The following CALN1 variants were observed in gnomAD, a reference collection of about 807,000 sequenced individuals.
CALN1 encodes the protein calcium-binding protein 8.
A neutral mutation model predicts 30.6 loss-of-function variants in CALN1; 17 were observed. The ratio of observed to expected loss-of-function variants is 0.56; its 90% CI spans 0.38 to 0.83. The LOEUF is 0.83. Ranked by LOEUF, CALN1 falls within the 40% of genes least tolerant of loss-of-function variation. CALN1 has a pLI of 0.00. For synonymous variants in CALN1, 156 were observed against 131.4 expected (o/e 1.19, Z -1.28); for missense variants, 291 against 354.9 (o/e 0.82, Z 1.45).
chr7:72,408,955 G>A (rs1389112102), intron 1 of CALN1, among the ~76,000 whole-genome samples: 2 of 151,964 alleles, frequency 1.3e-5, no homozygotes, highest in Non-Finnish European at 2.9e-5. Flanking sequence ...TGGGATTGCA[G>A]GTGTGAGCCA....
intron 3 of CALN1, among the ~76,000 whole-genome samples, chr7:72,175,186 G>T (rs990688053): frequency 3.3e-5 from 5 of 151,674 alleles, no homozygotes; most frequent in African/African-American, 9.7e-5. Flanking sequence ...CCATTCTCCT[G>T]CCTCAGCCTC....
At chr7:72,349,058 T>A (rs1050495717) in intron 2 of CALN1, among the ~76,000 whole-genome samples, 1 of 152,098 alleles carries the variant, frequency 6.6e-6, no homozygotes, top group Admixed American at 6.5e-5. Context: ...TGCTGAAAAA[T>A]GTATACTTAA....
intron 2 of CALN1, among the ~76,000 whole-genome samples, chr7:72,357,444 C>A (rs1803300213): frequency 1.3e-5 from 2 of 151,906 alleles, no homozygotes; most frequent in African/African-American, 4.9e-5. Context: ...GGAAATAAAG[C>A]AAATTTCTTA....
chr7:71,948,730 CA>C (rs538358463), intron 5 of CALN1, among the ~76,000 whole-genome samples: 55 of 73,874 alleles, frequency 7.4e-4, no homozygotes, highest in Admixed American at 2.5e-3. Context: ...GACTCTGTCT[CA>C]AAAAAAAAAA....
intron 2 of CALN1, among the ~76,000 whole-genome samples, chr7:72,291,168 C>G (rs1585380138): frequency 6.6e-6 from 1 of 152,280 alleles, no homozygotes; most frequent in East Asian, 1.9e-4. Flanking sequence ...AGTGATCTGC[C>G]CACCTTAGCA....
intron 6 of CALN1, among the ~76,000 whole-genome samples, chr7:71,791,982 G>C (rs1375459681): frequency 6.6e-6 from 1 of 151,962 alleles, no homozygotes; most frequent in Non-Finnish European, 1.5e-5. Flanking sequence ...CTGCACTCCA[G>C]TCTGGGAGGC....
At chr7:71,874,759 G>T (rs1251280681) in intron 5 of CALN1, among the ~76,000 whole-genome samples, 2 of 152,112 alleles carry the variant, frequency 1.3e-5, no homozygotes, top group Non-Finnish European at 2.9e-5. Context: ...GCAAATAAGG[G>T]TACAAAGGGG....
chr7:71,825,544 T>C (rs991578988), intron 5 of CALN1, among the ~76,000 whole-genome samples: 2 of 152,076 alleles, frequency 1.3e-5, no homozygotes, highest in African/African-American at 4.8e-5. Flanking sequence ...TCCACATGGC[T>C]GGGGAGGCCT....
At chr7:71,947,934 C>A (rs1346264271) in intron 5 of CALN1, among the ~76,000 whole-genome samples, 48 of 137,770 alleles carry the variant, frequency 3.5e-4, no homozygotes, top group Admixed American at 3.7e-4. Context: ...GACTCCGTCT[C>A]AAAAAAAAAA....
At chr7:72,396,083 A>G (rs967932407) in intron 2 of CALN1, among the ~76,000 whole-genome samples, 3 of 151,750 alleles carry the variant, frequency 2.0e-5, no homozygotes, top group Admixed American at 1.3e-4. Context: ...AGCAGAGGCT[A>G]CATTACATGA....
At chr7:72,249,125 C>T (rs1795380166) in intron 3 of CALN1, among the ~76,000 whole-genome samples, 1 of 152,270 alleles carries the variant, frequency 6.6e-6, no homozygotes, top group South Asian at 2.1e-4. Flanking sequence ...TCTGACTGAC[C>T]TGATTAGACA....
At chr7:72,086,810 TAG>T in intron 4 of CALN1, among the ~76,000 whole-genome samples, 1 of 152,260 alleles carries the variant, frequency 6.6e-6, no homozygotes, top group Admixed American at 6.5e-5. Context: ...TAACAGGATA[TAG>T]AGAGAGAAGC....
intron 4 of CALN1, among the ~76,000 whole-genome samples, chr7:72,049,048 A>G (rs1017243546): frequency 8.5e-5 from 13 of 152,062 alleles, no homozygotes; most frequent in African/African-American, 1.4e-4. Flanking sequence ...GGTTCAAGCA[A>G]TCCTCCCACC....
intron 3 of CALN1, among the ~76,000 whole-genome samples, chr7:72,249,388 G>C (rs1795395581): frequency 6.6e-6 from 1 of 152,190 alleles, no homozygotes; most frequent in Non-Finnish European, 1.5e-5. Context: ...CAAGAAGTCA[G>C]GGCTCAAGGA....
chr7:71,999,538 G>C (rs1472922225), intron 5 of CALN1, among the ~76,000 whole-genome samples: 1 of 151,372 alleles, frequency 6.6e-6, no homozygotes, highest in Non-Finnish European at 1.5e-5. Context: ...TTTTGAGTTG[G>C]AATCTCACTC....
intron 1 of CALN1, among the ~76,000 whole-genome samples, chr7:72,405,221 C>G (rs192035262): frequency 1.4e-3 from 209 of 152,304 alleles, no homozygotes; most frequent in Admixed American, 2.4e-3. Context: ...AGCAAGAAGT[C>G]ACATCTCACC....
intron 5 of CALN1, among the ~76,000 whole-genome samples, chr7:71,951,867 TG>T (rs1796709605): frequency 6.6e-6 from 1 of 152,110 alleles, no homozygotes; most frequent in Non-Finnish European, 1.5e-5. Flanking sequence ...GCAAGCGACT[TG>T]CAGAATGGTG....
intron 5 of CALN1, among the ~76,000 whole-genome samples, chr7:71,931,409 G>C (rs1795544015): frequency 6.6e-6 from 1 of 152,176 alleles, no homozygotes; most frequent in Non-Finnish European, 1.5e-5. Context: ...TGGGATTACA[G>C]GCATGTGCCA....
At chr7:72,066,499 T>G (rs1249560091) in intron 4 of CALN1, among the ~76,000 whole-genome samples, 2 of 152,216 alleles carry the variant, frequency 1.3e-5, no homozygotes, top group Admixed American at 6.5e-5. Flanking sequence ...TCAGTACTTT[T>G]TTTTTTTGAT....
Sources: gnomAD v4.1 joint callset for allele counts (sites outside exome capture counted in the v4.1 genomes callset) on GRCh38, gnomAD v4.1.1 for gene constraint, MANE v1.5 for transcripts, NCBI Gene and HGNC (gene_info 2026-07-23, HGNC 2026-07-21) for gene names.